WDFY3: variants seen among roughly 807,000 people sequenced by gnomAD.
WDFY3 encodes the protein WD repeat and FYVE domain containing 3, also known as WD repeat and FYVE domain-containing protein 3.
In WDFY3, 66 loss-of-function variants were observed where a neutral mutation model predicts 409.6. The observed-to-expected ratio is 0.16, with a 90% CI of 0.13 to 0.20. WDFY3 has a LOEUF of 0.20. Among genes scored for constraint, WDFY3 ranks in the 10% least tolerant of loss-of-function variants. The pLI, the probability that WDFY3 is intolerant of heterozygous loss-of-function variation, is 1.00. For synonymous variants in WDFY3, 1,521 were observed against 1,537.1 expected, an observed-to-expected ratio of 0.99 and a Z score of 0.25; for missense variants, 3,031 against 4,298.1, an observed-to-expected ratio of 0.71 and a Z score of 8.24.
At chr4:84,723,052 CAG>C (rs560797486) in intron 46 of WDFY3, among the ~76,000 whole-genome samples, 236 of 152,234 alleles carry the variant, frequency 1.6e-3, no homozygotes, top group Non-Finnish European at 1.6e-3. Context: ...AAAATCAGGC[CAG>C]AGAAGTTAAA....
Position 84,786,101 on chromosome 4 carries a change from C to G in WDFY3, c.3940G>C (p.Val1314Leu), listed in dbSNP as rs753340873. ...AKSEGVVPSP[V>L]SLVPEEKVSF... ...ACTTTCTCCTCTGGTACTAATGACACAGGGGATGGCACCACCCCTTCGGAT... is the reference window on the plus strand; with the variant it reads ...ACTTTCTCCTCTGGTACTAATGACAGAGGGGATGGCACCACCCCTTCGGAT... The change falls in exon 24 of 68, where the codon GTG becomes CTG. Residue 1314 changes from valine (V) to leucine (L), a missense_variant. Around this residue, in one of 16 missense-constraint regions of WDFY3, gnomAD observed 1,322 missense variants for 1,697.9 expected, o/e 0.78. Coordinates refer to ENST00000295888, the MANE Select transcript of WDFY3 (RefSeq NM_014991.6). 1 of 1,612,364 alleles carries G rather than the reference C, an allele frequency of 6.2e-7. No homozygotes were observed. The highest frequency in any genetic ancestry group is 8.5e-7 in the Non-Finnish European group (1 of 1,179,318).
Position 84,704,320 on chromosome 4 carries a change from C to G in WDFY3, c.8442+18G>C. On this transcript the variant is annotated intron_variant, in intron 55 of 67. Coordinates refer to ENST00000295888, the MANE Select transcript of WDFY3 (RefSeq NM_014991.6). ...TAGGCTTGTATAAAATAGAAAAACC[C>G]CAAATTTAAAGTTTTACCTGTAGCC... 6.4e-7 allele frequency: 1 copy of G among 1,553,448 alleles called. No individual in the cohort carries two copies. Among genetic ancestry groups the G allele is most frequent in the African/African-American group, 1.4e-5 (1 of 72,262 alleles).
chr4:84,836,492 G>A (rs920416061), intron 7 of WDFY3, among the ~76,000 whole-genome samples: 3 of 152,100 alleles, frequency 2.0e-5, no homozygotes, highest in Admixed American at 1.3e-4. Context: ...GCAGGGCAGA[G>A]GAGGAGGCAG....
intron 3 of WDFY3, among the ~76,000 whole-genome samples, chr4:84,889,780 T>C (rs2150495214): frequency 6.6e-6 from 1 of 152,302 alleles, no homozygotes; most frequent in East Asian, 1.9e-4. Context: ...ATATGTGATA[T>C]GACTACCACA....
At chr4:84,964,305 C>CA (rs1219804691) in intron 1 of WDFY3, among the ~76,000 whole-genome samples, 3 of 151,998 alleles carry the variant, frequency 2.0e-5, no homozygotes, top group Non-Finnish European at 4.4e-5. Context: ...CTCATCTCTA[C>CA]AAAAAATAGA....
intron 1 of WDFY3, among the ~76,000 whole-genome samples, chr4:84,955,000 T>TTG (rs1017819222): frequency 2.0e-5 from 3 of 151,596 alleles, no homozygotes; most frequent in African/African-American, 7.3e-5. Context: ...AGCTCAGGAG[T>TTG]TGAAGACCAG....
chr4:84,709,383 A>G (rs1578204583), intron 51 of WDFY3, 36 bp from the exon 52 acceptor site: 1 of 1,554,890 alleles, frequency 6.4e-7, no homozygotes, highest in East Asian at 2.3e-5. Flanking sequence ...ATTACAAGCA[A>G]TAAAATTTTA....
At chr4:84,889,712 T>C (rs1016668024) in intron 3 of WDFY3, among the ~76,000 whole-genome samples, 4 of 152,068 alleles carry the variant, frequency 2.6e-5, no homozygotes, top group African/African-American at 9.7e-5. Flanking sequence ...TCCTTAATAG[T>C]AAATGGAGAT....
intron 36 of WDFY3, among the ~76,000 whole-genome samples, chr4:84,748,124 G>A (rs564615304): frequency 1.3e-5 from 2 of 152,140 alleles, no homozygotes; most frequent in African/African-American, 4.8e-5. Flanking sequence ...AATTCATTTG[G>A]CTCTTCATGA....
At chr4:84,773,576 CTT>C (rs1560722074) in intron 29 of WDFY3, among the ~76,000 whole-genome samples, 1 of 152,124 alleles carries the variant, frequency 6.6e-6, no homozygotes, top group Non-Finnish European at 1.5e-5. Context: ...AAAACAAAAA[CTT>C]TTACAGGTTT....
At position 84,726,871 on chromosome 4, in the gene WDFY3, A is replaced by G; in HGVS notation, c.7262T>C (p.Ile2421Thr). The stretch of plus-strand genomic sequence containing the variant: ...TAATTTGTGTTTTACCTTTTGAGGA[A>G]TATCATCGGGTGTCTCAGGCTGTTT... ...PSKQPETPDDIPQKKPARYRR... is the reference protein window; with the variant it reads ...PSKQPETPDDTPQKKPARYRR... The change falls in exon 45 of 68, where the codon ATT becomes ACT. Residue 2421 changes from isoleucine to threonine, a missense_variant. By Grantham distance (89) the Ile-to-Thr change is moderately conservative. This residue lies in a region of WDFY3 where 127 missense variants were observed against 144.4 expected (regional missense o/e 0.88). Coordinates refer to ENST00000295888, the MANE Select transcript of WDFY3 (RefSeq NM_014991.6). 1 of 1,608,176 alleles carries G rather than the reference A, an allele frequency of 6.2e-7. No homozygotes were observed. Among genetic ancestry groups the G allele is most frequent in the Non-Finnish European group, 8.5e-7 (1 of 1,178,152 alleles).
chr4:84,916,893 T>A (rs1768563210), intron 2 of WDFY3, among the ~76,000 whole-genome samples: 1 of 152,146 alleles, frequency 6.6e-6, no homozygotes, highest in Non-Finnish European at 1.5e-5. Flanking sequence ...TAAGCTCTTT[T>A]TAGACTCAAT....
rs1263545364 is a variant in WDFY3 at position 84,796,000 on chromosome 4, AGAT to A, written c.3167+518_3167+520del. Among the ~76,000 whole-genome samples the A allele has an allele frequency of 3.9e-5, 6 of 152,164 alleles. 1 individual carries two copies. In the East Asian group the frequency reaches 5.8e-4, roughly 15 times the overall value. On this transcript the variant is annotated intron_variant, in intron 19 of 67. Coordinates refer to ENST00000295888, the MANE Select transcript of WDFY3 (RefSeq NM_014991.6). The stretch of plus-strand genomic sequence containing the variant: ...TATTATACTAGGTAATTTGAAGGAT[AGAT>A]GATGATAAAACCCAAAGAGTTTTCA...
intron 18 of WDFY3, among the ~76,000 whole-genome samples, chr4:84,797,425 A>G (rs567717318): frequency 3.9e-5 from 6 of 152,264 alleles, no homozygotes; most frequent in Admixed American, 2.0e-4. Context: ...AATAAACTAC[A>G]TGAGTATAGG....
Position 84,718,566 on chromosome 4 carries a change from T to A in WDFY3, c.7610A>T (p.Gln2537Leu). 2 of 1,607,306 alleles carry A rather than the reference T, an allele frequency of 1.2e-6. No homozygotes were observed. The highest frequency in any genetic ancestry group is 1.7e-6 in the Non-Finnish European group (2 of 1,177,870). The change falls in exon 48 of 68, where the codon CAA (glutamine) becomes CTA (leucine). Residue 2537 changes from glutamine to leucine, a missense_variant. Gln to Leu is a moderately radical substitution (Grantham distance 113). Transcript: ENST00000295888. ...LRLLEEGEKI[Q>L]HMYRCARVQG... ...GACTCGAGCACAGCGGTACATGTGT[T>A]GGATCTATAAAGAAGCCCACAAACA...
intron 3 of WDFY3, among the ~76,000 whole-genome samples, chr4:84,863,050 A>C (rs375187022): frequency 6.6e-6 from 1 of 152,212 alleles, no homozygotes; most frequent in Non-Finnish European, 1.5e-5. Context: ...TCCTTTTATA[A>C]GGACGAATAA....
In WDFY3 at chr4:84,735,080, C is replaced by T. The variant is rs766875770; in HGVS notation, c.6956G>A (p.Arg2319His). Residue 2319 changes from arginine (R) to histidine (H), a missense_variant, in exon 43 of 68, where the codon CGT becomes CAT. Transcript: ENST00000295888. ...QWMFTHIAVV[R>H]DLVDTQYKEY... ...TTTATATTGTGTATCTACTAAGTCA[C>T]GAACAACAGCAATGTGAGTAAACAT... 7 of 1,613,064 alleles carry T rather than the reference C, an allele frequency of 4.3e-6. No homozygotes were observed. Among genetic ancestry groups the T allele is most frequent in the South Asian group, 2.2e-5 (2 of 91,056 alleles).
chr4:84,847,445 T>A (rs980898785), intron 5 of WDFY3, among the ~76,000 whole-genome samples: 1 of 151,724 alleles, frequency 6.6e-6, no homozygotes, highest in Non-Finnish European at 1.5e-5. Flanking sequence ...AAGAAACAGA[T>A]TATTTATGGA....
chr4:84,891,319 T>A (rs1304106100), intron 3 of WDFY3, among the ~76,000 whole-genome samples: 1 of 152,176 alleles, frequency 6.6e-6, no homozygotes, highest in Non-Finnish European at 1.5e-5. Context: ...TGCAACTAAA[T>A]CCTGACTGAT....
Sources: gnomAD v4.1 joint callset for allele counts (sites outside exome capture counted in the v4.1 genomes callset) on GRCh38, gnomAD v4.1.1 for gene constraint, gnomAD v4.1.1 regional missense constraint, MANE v1.5 for transcripts, NCBI Gene and HGNC (gene_info 2026-07-23, HGNC 2026-07-21) for gene names.